Variants in SCAF8 observed in about 807,000 individuals in gnomAD.
SCAF8 encodes the protein SR-related and CTD-associated factor 8.
Under a neutral mutation model 140.5 loss-of-function variants are expected in SCAF8, and 23 were observed. The ratio of observed to expected loss-of-function variants is 0.16; its 90% CI spans 0.12 to 0.23. The LOEUF is 0.23. Ranked by LOEUF, SCAF8 falls within the 10% of genes least tolerant of loss-of-function variation. The pLI is 1.00. For missense variants in SCAF8, 1,397 were observed against 1,555.7 expected, an observed-to-expected ratio of 0.90 and a Z score of 1.72; for synonymous variants, 575 against 528.9, an observed-to-expected ratio of 1.09 and a Z score of -1.20.
At chr6:154,759,161 G>A (rs1348236188) in intron 1 of SCAF8, among the ~76,000 whole-genome samples, 1 of 152,130 alleles carries the variant, frequency 6.6e-6, no homozygotes, top group African/African-American at 2.4e-5. Context: ...TCTTGAGTTG[G>A]GGATTTTGAG....
Position 154,792,837 on chromosome 6 carries a change from A to T in SCAF8, c.336A>T (p.Arg112Ser). Residue 112 changes from arginine to serine, a missense_variant, in exon 5 of 20, where the codon AGA becomes AGT. This residue lies in a region of SCAF8 where 43 missense variants were observed against 142.1 expected (regional missense o/e 0.30). Transcript: ENST00000367178. ...TTTTTCTCTAGAGTAAAATAGTGAGAGTACTAAACTTATGGCAGAAGAATA... is the reference window on the plus strand; with the variant it reads ...TTTTTCTCTAGAGTAAAATAGTGAGTGTACTAAACTTATGGCAGAAGAATA... ...CPGDDKSKIV[R>S]VLNLWQKNNV... is the part of the protein sequence containing the mutation. 1 of 1,603,964 alleles carries T rather than the reference A, an allele frequency of 6.2e-7. No individual in the cohort carries two copies. The highest frequency in any genetic ancestry group is 8.5e-7 in the Non-Finnish European group (1 of 1,175,846).
chr6:154,785,527 G>T (rs1288519570), intron 3 of SCAF8, among the ~76,000 whole-genome samples: 1 of 152,134 alleles, frequency 6.6e-6, no homozygotes, highest in African/African-American at 2.4e-5. Flanking sequence ...TTTCTAATCT[G>T]TCGAGCCATC....
chr6:154,749,456 A>G (rs1247265352), intron 1 of SCAF8, among the ~76,000 whole-genome samples: 4 of 152,192 alleles, frequency 2.6e-5, no homozygotes, highest in Non-Finnish European at 5.9e-5. Flanking sequence ...AGTCCGCAAC[A>G]TTAGATACCT....
intron 1 of SCAF8, among the ~76,000 whole-genome samples, chr6:154,739,374 A>G (rs1435125452): frequency 2.6e-5 from 4 of 152,220 alleles, no homozygotes; most frequent in African/African-American, 9.6e-5. Context: ...CAAAAAAGTT[A>G]ACAGTAAATC....
chr6:154,819,320 C>T (rs1583064340), intron 14 of SCAF8, among the ~76,000 whole-genome samples: 1 of 152,180 alleles, frequency 6.6e-6, no homozygotes, highest in Non-Finnish European at 1.5e-5. Flanking sequence ...GGTGTGGCAG[C>T]TCACACCTGC....
chr6:154,769,735 A>G (rs1302426522), intron 1 of SCAF8, among the ~76,000 whole-genome samples: 4 of 152,188 alleles, frequency 2.6e-5, no homozygotes, highest in African/African-American at 7.2e-5. Context: ...TAAAATTTAG[A>G]TCTTTCTGTA....
At chr6:154,759,761 G>T (rs976508120) in intron 1 of SCAF8, among the ~76,000 whole-genome samples, 2 of 151,442 alleles carry the variant, frequency 1.3e-5, no homozygotes, top group South Asian at 2.1e-4. Context: ...CGCCTCCCAG[G>T]TTCACGCCAT....
At chr6:154,782,747 C>T (rs545554573) in intron 3 of SCAF8, among the ~76,000 whole-genome samples, 3 of 152,108 alleles carry the variant, frequency 2.0e-5, no homozygotes, top group Admixed American at 6.5e-5. Flanking sequence ...GTCCAGTGTT[C>T]GAGGGCAGGA....
At chr6:154,768,611 A>G (rs1446457144) in intron 1 of SCAF8, among the ~76,000 whole-genome samples, 1 of 152,222 alleles carries the variant, frequency 6.6e-6, no homozygotes, top group Non-Finnish European at 1.5e-5. Context: ...ATGTTTGTAA[A>G]TGATAAACTA....
At chr6:154,778,281 G>A (rs1020935292) in intron 3 of SCAF8, among the ~76,000 whole-genome samples, 1 of 152,120 alleles carries the variant, frequency 6.6e-6, no homozygotes, top group East Asian at 1.9e-4. Context: ...TTTGAGAATC[G>A]GTGTCATGTG....
At chr6:154,814,568 AG>A (rs1187354888) in intron 12 of SCAF8, among the ~76,000 whole-genome samples, 1 of 152,170 alleles carries the variant, frequency 6.6e-6, no homozygotes, top group East Asian at 1.9e-4. Context: ...GATCTTGCCA[AG>A]GGTACCTTCA....
chr6:154,809,104 A>G (rs887887668), intron 11 of SCAF8, among the ~76,000 whole-genome samples: 1 of 152,182 alleles, frequency 6.6e-6, no homozygotes, highest in Admixed American at 6.5e-5. Context: ...CCTGAACAAC[A>G]GTTAAGTCAG....
intron 1 of SCAF8, among the ~76,000 whole-genome samples, chr6:154,747,207 A>C (rs1367248112): frequency 6.6e-6 from 1 of 152,178 alleles, no homozygotes; most frequent in African/African-American, 2.4e-5. Context: ...TTCGTCTTTT[A>C]CAAAGCTTAA....
Position 154,832,829 on chromosome 6 carries a change from C to T in SCAF8, c.3250C>T (p.His1084Tyr), listed in dbSNP as rs541907844. 1 of 1,613,838 alleles carries T rather than the reference C, an allele frequency of 6.2e-7. No homozygotes were observed. The change falls in exon 20 of 20, where the codon CAC becomes TAC. Residue 1084 changes from histidine (H) to tyrosine (Y), a missense_variant. Physicochemically the swap from His to Tyr is moderately conservative, Grantham distance 83. Around this residue, in one of 5 missense-constraint regions of SCAF8, gnomAD observed 930 missense variants for 874.6 expected, o/e 1.06. Transcript: ENST00000367178. The part of the protein sequence containing the change: ...PGIDHLGRRD[H>Y]FGFNPEKPWG... ...TATAGATCATCTTGGTCGAAGAGACCACTTTGGCTTTAATCCAGAGAAGCC... is the reference window on the plus strand; with the variant it reads ...TATAGATCATCTTGGTCGAAGAGACTACTTTGGCTTTAATCCAGAGAAGCC...
At position 154,792,951 on chromosome 6, in the gene SCAF8, T is replaced by C; in HGVS notation, c.450T>C (p.Thr150=). The C allele has an allele frequency of 2.5e-6, 4 of 1,613,610 alleles. No homozygotes were observed. Among genetic ancestry groups the C allele is most frequent in the South Asian group, 1.1e-5 (1 of 90,970 alleles). Residue 150 remains threonine (T), a synonymous_variant, in exon 5 of 20, where the codon ACT becomes ACC. Transcript: ENST00000367178. The part of the protein sequence containing the change: ...PPVVTPVLAS[T]TTAMSNTPGT... ...TTGTCACACCTGTTTTGGCCAGCAC[T>C]ACCACTGCTATGAGCAATACTCCAG...
chr6:154,814,876 A>T (rs1778201035), intron 12 of SCAF8, among the ~76,000 whole-genome samples: 1 of 152,134 alleles, frequency 6.6e-6, no homozygotes, highest in East Asian at 1.9e-4. Flanking sequence ...AGGGGTTCTG[A>T]TTTGGCCATT....
intron 19 of SCAF8, 53 bp downstream of exon 19, chr6:154,831,193 G>GT: frequency 8.8e-7 from 1 of 1,133,236 alleles, no homozygotes; most frequent in Non-Finnish European, 1.2e-6. Context: ...TGTATTTGGT[G>GT]TTTAATTCTG....
At chr6:154,744,994 A>G (rs1402318112) in intron 1 of SCAF8, among the ~76,000 whole-genome samples, 1 of 152,208 alleles carries the variant, frequency 6.6e-6, no homozygotes, top group Non-Finnish European at 1.5e-5. Context: ...ACTATAGTAC[A>G]ATGATCAAAA....
At chr6:154,811,457 T>G (rs1482223792) in intron 12 of SCAF8, among the ~76,000 whole-genome samples, 1 of 152,158 alleles carries the variant, frequency 6.6e-6, no homozygotes, top group African/African-American at 2.4e-5. Context: ...GGGATACATG[T>G]GCTGAACGTG....
Sources: allele counts gnomAD v4.1 joint callset (sites outside exome capture counted in the v4.1 genomes callset), GRCh38; gene constraint gnomAD v4.1.1; regional missense constraint gnomAD v4.1.1; transcripts MANE v1.5; gene names NCBI Gene and HGNC (gene_info 2026-07-23, HGNC 2026-07-21).